Variants in TSPAN18 observed in about 807,000 individuals in gnomAD.
TSPAN18 encodes the protein tetraspanin 18.
A neutral mutation model predicts 27.3 loss-of-function variants in TSPAN18; 14 were observed. The ratio of observed to expected loss-of-function variants is 0.51; its 90% CI spans 0.34 to 0.80. TSPAN18 has a LOEUF of 0.80. TSPAN18 is among the 30% of genes least tolerant of loss of function. The probability of loss-of-function intolerance (pLI) is 0.01; values close to 1 mark genes in which losing one functional copy is unlikely to be tolerated. For missense variants in TSPAN18, 268 were observed against 323.9 expected (o/e 0.83, Z 1.32); for synonymous variants, 143 against 136.5 (o/e 1.05, Z -0.33).
chr11:44,797,776 A>G (rs1428696739), intron 2 of TSPAN18, among the ~76,000 whole-genome samples: 2 of 152,108 alleles, frequency 1.3e-5, no homozygotes, highest in African/African-American at 4.8e-5. Flanking sequence ...GAAAGTGAAA[A>G]ATTTGGGAGG....
intron 3 of TSPAN18, among the ~76,000 whole-genome samples, chr11:44,904,194 C>T (rs544467584): frequency 6.6e-6 from 1 of 152,268 alleles, no homozygotes; most frequent in South Asian, 2.1e-4. Flanking sequence ...CTCAGTTTCC[C>T]CTTCCTAGTA....
intron 2 of TSPAN18, among the ~76,000 whole-genome samples, chr11:44,824,378 G>A (rs558070583): frequency 6.6e-6 from 1 of 152,208 alleles, no homozygotes; most frequent in Non-Finnish European, 1.5e-5. Flanking sequence ...ACCCCCAACT[G>A]GGGCTGGGGG....
At chr11:44,795,682 C>G (rs1481345113) in intron 2 of TSPAN18, among the ~76,000 whole-genome samples, 3 of 28,100 alleles carry the variant, frequency 1.1e-4, no homozygotes, top group Non-Finnish European at 5.8e-4. Flanking sequence ...GGCCCAGACC[C>G]CATTTTCTGC....
chr11:44,846,138 G>A (rs1257182704), intron 2 of TSPAN18, among the ~76,000 whole-genome samples: 1 of 152,198 alleles, frequency 6.6e-6, no homozygotes, highest in Non-Finnish European at 1.5e-5. Flanking sequence ...TATGAGCGGT[G>A]GGTCTCATTA....
intron 2 of TSPAN18, among the ~76,000 whole-genome samples, chr11:44,787,829 G>A (rs1455241620): frequency 2.0e-5 from 3 of 152,122 alleles, no homozygotes. Context: ...GTGCTCTCTG[G>A]AGTTCTCAGA....
chr11:44,869,243 G>A (rs1019737689), intron 3 of TSPAN18, among the ~76,000 whole-genome samples: 21 of 152,138 alleles, frequency 1.4e-4, no homozygotes, highest in Non-Finnish European at 2.2e-4. Context: ...TGTAGCGATG[G>A]GGAGCTCACT....
chr11:44,872,582 G>A (rs985955459), intron 3 of TSPAN18, among the ~76,000 whole-genome samples: 1 of 152,204 alleles, frequency 6.6e-6, no homozygotes, highest in Non-Finnish European at 1.5e-5. Flanking sequence ...AAAGCCTAAT[G>A]AATACAGTTC....
intron 1 of TSPAN18, among the ~76,000 whole-genome samples, chr11:44,740,449 C>CA (rs1207671316): frequency 1.3e-5 from 2 of 152,192 alleles, no homozygotes; most frequent in Non-Finnish European, 2.9e-5. Context: ...TGTGAGAGGG[C>CA]AGGGCCAGCC....
intron 2 of TSPAN18, among the ~76,000 whole-genome samples, chr11:44,831,995 A>G (rs1857164384): frequency 6.6e-6 from 1 of 152,150 alleles, no homozygotes; most frequent in Non-Finnish European, 1.5e-5. Context: ...AGTTCAAGGA[A>G]CAGTAAAAAG....
chr11:44,903,419 C>T (rs765719837), intron 3 of TSPAN18: 32 of 456,164 alleles, frequency 7.0e-5, no homozygotes, highest in Non-Finnish European at 1.1e-4. Flanking sequence ...CAAGAGGTGG[C>T]GATGGTGAGT....
chr11:44,901,404 A>G (rs1254505255), intron 3 of TSPAN18: 4 of 152,296 alleles, frequency 2.6e-5, no homozygotes, highest in Admixed American at 6.5e-5. Flanking sequence ...CTAAAGAGCC[A>G]GAGCCGGCTG....
At chr11:44,831,803 G>A (rs768070430) in intron 2 of TSPAN18, among the ~76,000 whole-genome samples, 2 of 152,198 alleles carry the variant, frequency 1.3e-5, no homozygotes, top group Non-Finnish European at 2.9e-5. Flanking sequence ...GGCCGAGAAG[G>A]CAGGGTGTGG....
At chr11:44,741,480 G>C (rs1854933655) in intron 1 of TSPAN18, among the ~76,000 whole-genome samples, 1 of 128,800 alleles carries the variant, frequency 7.8e-6, no homozygotes, top group South Asian at 2.9e-4. Context: ...TGTGTGTAAA[G>C]AAAAATGACC....
At chr11:44,916,238 G>A (rs1461104450) in intron 5 of TSPAN18, among the ~76,000 whole-genome samples, 3 of 152,216 alleles carry the variant, frequency 2.0e-5, no homozygotes, top group African/African-American at 7.2e-5. Flanking sequence ...CCTCTAGAAG[G>A]CAGCCGCTGT....
intron 3 of TSPAN18, among the ~76,000 whole-genome samples, chr11:44,870,515 C>T (rs1336628873): frequency 1.3e-5 from 2 of 152,106 alleles, no homozygotes; most frequent in East Asian, 1.9e-4. Flanking sequence ...TACCAATCTC[C>T]ACACTGAGAC....
chr11:44,897,339 T>C (rs1253727522), intron 3 of TSPAN18, among the ~76,000 whole-genome samples: 1 of 152,184 alleles, frequency 6.6e-6, no homozygotes, highest in Non-Finnish European at 1.5e-5. Context: ...AGGAAGTTGA[T>C]GAACAGGGCC....
At chr11:44,926,905 G>C in intron 9 of TSPAN18, 148 bp downstream of exon 9, 1 of 728,522 alleles carries the variant, frequency 1.4e-6, no homozygotes, top group South Asian at 1.7e-5. Flanking sequence ...GGTAAGCCCG[G>C]CTGTGTCTGT....
chr11:44,927,097 TGCCTTGAAG>T (rs1360472270), intron 9 of TSPAN18, among the ~76,000 whole-genome samples: 9 of 152,220 alleles, frequency 5.9e-5, no homozygotes, highest in Non-Finnish European at 1.3e-4. Flanking sequence ...TCAGCACGGC[TGCCTTGAAG>T]GACAGGCTGC....
intron 2 of TSPAN18, among the ~76,000 whole-genome samples, chr11:44,831,723 T>C (rs1857158727): frequency 6.6e-6 from 1 of 152,162 alleles, no homozygotes. Flanking sequence ...TCTGCCTTCA[T>C]GGAGCTTGGC....
Sources: gnomAD v4.1 joint callset for allele counts (sites outside exome capture counted in the v4.1 genomes callset) on GRCh38, gnomAD v4.1.1 for gene constraint, MANE v1.5 for transcripts, NCBI Gene and HGNC (gene_info 2026-07-23, HGNC 2026-07-21) for gene names.